TTC3: variants seen among roughly 807,000 people sequenced by gnomAD.
The protein encoded by TTC3 is tetratricopeptide repeat domain 3, also known as E3 ubiquitin-protein ligase TTC3.
TTC3 carries 180 observed loss-of-function variants against 249.6 expected under a neutral mutation model. That is an observed-to-expected ratio of 0.72 (90% CI 0.64 to 0.82). TTC3 has a LOEUF of 0.82. Among genes scored for constraint, TTC3 ranks in the 40% least tolerant of loss-of-function variants. The probability of loss-of-function intolerance (pLI) is 0.00; values close to 1 mark genes in which losing one functional copy is unlikely to be tolerated. For missense variants in TTC3, 2,061 were observed against 2,398.4 expected (o/e 0.86, Z 2.94); for synonymous variants, 717 against 805.0 (o/e 0.89, Z 1.85).
At chr21:37,167,844 G>A (rs572122052) in intron 34 of TTC3, among the ~76,000 whole-genome samples, 2 of 151,814 alleles carry the variant, frequency 1.3e-5, no homozygotes, top group South Asian at 4.2e-4. Flanking sequence ...AATTATAACA[G>A]CGTTATTGTT....
At chr21:37,098,128 T>C (rs975777182) in intron 10 of TTC3, 1 of 485,260 alleles carries the variant, frequency 2.1e-6, no homozygotes, top group South Asian at 3.6e-5. Context: ...CCTCAACGGG[T>C]TCTGACAAGA....
chr21:37,196,811 C>G (rs2084962615), intron 42 of TTC3, among the ~76,000 whole-genome samples: 1 of 152,128 alleles, frequency 6.6e-6, no homozygotes, highest in South Asian at 2.1e-4. Flanking sequence ...GATGGAATTC[C>G]ATAGTGAATG....
In TTC3 at chr21:37,186,946, G is replaced by A. The variant is rs184830849; in HGVS notation, c.4827-103G>A. 3.0e-4 allele frequency: 186 copies of A among 618,440 alleles called. No individual in the cohort carries two copies. In the African/African-American group the frequency reaches 3.1e-3, roughly 10 times the overall value. The allele number at this position is 618,440 out of a possible 1,614,324, so 38.3% of individuals were successfully genotyped here. ...AAACTGCTCTGGAAGATGTAGCTGA[G>A]GCTATCGTGGTGTGGTTTCAAAGCT... On this transcript the variant is annotated intron_variant, in intron 37 of 45. Transcript: ENST00000355666.
chr21:37,081,843 T>C (rs1022091775), intron 1 of TTC3: 1 of 151,908 alleles, frequency 6.6e-6, no homozygotes, highest in Admixed American at 6.6e-5. Flanking sequence ...TTTTTTTCTT[T>C]TAACAATTGC....
intron 10 of TTC3, among the ~76,000 whole-genome samples, chr21:37,107,360 G>A (rs919940371): frequency 6.6e-6 from 1 of 152,156 alleles, no homozygotes; most frequent in Non-Finnish European, 1.5e-5. Context: ...ACAGTTTGAA[G>A]TTTGAACAGT....
At chr21:37,163,861 A>G (rs2081004028) in intron 31 of TTC3, among the ~76,000 whole-genome samples, 190 bp from the exon 32 acceptor site, 1 of 152,190 alleles carries the variant, frequency 6.6e-6, no homozygotes, top group South Asian at 2.1e-4. Flanking sequence ...CAGATATGAT[A>G]TTTCTCGCCT....
intron 1 of TTC3, chr21:37,082,490 C>T: frequency 1.0e-6 from 1 of 985,318 alleles, no homozygotes; most frequent in South Asian, 4.7e-5. Context: ...TCAGCTTTGT[C>T]TGGGAGCCAG....
intron 11 of TTC3, among the ~76,000 whole-genome samples, chr21:37,115,548 G>A (rs1426648199): frequency 6.6e-6 from 1 of 152,188 alleles, no homozygotes; most frequent in Non-Finnish European, 1.5e-5. Flanking sequence ...TGATATGCAA[G>A]GTTGGTCATT....
chr21:37,151,920 C>T, exon 26 of TTC3: 1 of 1,596,056 alleles, frequency 6.3e-7, no homozygotes, highest in South Asian at 1.1e-5. Flanking sequence ...TGAAAGAAGA[C>T]AAAAAATTGA....
chr21:37,118,977 A>G (rs1008592588), intron 11 of TTC3, among the ~76,000 whole-genome samples: 2 of 152,160 alleles, frequency 1.3e-5, no homozygotes, highest in African/African-American at 2.4e-5. Context: ...GATAGTTATA[A>G]TAAGTATTTC....
Position 37,172,580 on chromosome 21 carries a change from G to A in TTC3, c.4468-15G>A, listed in dbSNP as rs2081899892. On this transcript the variant is annotated splice_polypyrimidine_tract_variant and intron_variant, in intron 34 of 45. Transcript: ENST00000355666. ...TAAATGATTTTTAATAGATTGTTTT[G>A]TAATTCACTTTTAGGGGGAAATTTC... is the stretch of plus-strand genomic sequence containing the variant. The A allele has an allele frequency of 1.2e-6, 2 of 1,604,184 alleles. No individual in the cohort carries two copies. The highest frequency in any genetic ancestry group is 1.7e-6 in the Non-Finnish European group (2 of 1,177,268).
chr21:37,183,773 G>A (rs557593665), intron 36 of TTC3, among the ~76,000 whole-genome samples: 2 of 152,292 alleles, frequency 1.3e-5, no homozygotes, highest in South Asian at 2.1e-4. Context: ...TGGTAGCTAA[G>A]GACTTCAAAT....
At position 37,144,541 on chromosome 21, in the gene TTC3, A is replaced by C. The variant is rs200911343; in HGVS notation, c.1789A>C (p.Asn597His). ...TGACTTTAGATTTCTAGAAGCTCTCAATCACTTTGAGAAAGCAAGAACCTT... is the reference window on the plus strand; with the variant it reads ...TGACTTTAGATTTCTAGAAGCTCTCCATCACTTTGAGAAAGCAAGAACCTT... The change falls in exon 21 of 46, where the codon AAT becomes CAT. Residue 597 changes from asparagine to histidine, a missense_variant. Physicochemically the swap from Asn to His is moderately conservative, Grantham distance 68. Around this residue, in one of 3 missense-constraint regions of TTC3, gnomAD observed 989 missense variants for 1,145.1 expected, o/e 0.86. Transcript: ENST00000355666. 7.6e-5 allele frequency: 122 copies of C among 1,611,334 alleles called. No individual in the cohort carries two copies. Among genetic ancestry groups the C allele is most frequent in the African/African-American group, 3.3e-4 (25 of 74,770 alleles).
intron 34 of TTC3, among the ~76,000 whole-genome samples, chr21:37,171,134 A>G (rs991502860): frequency 6.6e-6 from 1 of 152,216 alleles, no homozygotes; most frequent in African/African-American, 2.4e-5. Context: ...AGGCAGTCTT[A>G]TAGTGAACAT....
intron 1 of TTC3, among the ~76,000 whole-genome samples, chr21:37,074,618 A>G (rs1543750): frequency 0.46 from 69,314 of 151,998 alleles, 16,336 homozygotes; most frequent in Non-Finnish European, 0.52. Flanking sequence ...TCCTCCGGAG[A>G]GAGCCTTTTC....
exon 44 of TTC3, chr21:37,197,968 T>G: frequency 1.2e-6 from 2 of 1,613,834 alleles, no homozygotes; most frequent in Non-Finnish European, 1.7e-6. Context: ...CCTCGGTGGT[T>G]GTTGCACCAT....
At chr21:37,085,012 C>CAAA (rs56186134) in intron 1 of TTC3, among the ~76,000 whole-genome samples, 3 of 144,058 alleles carry the variant, frequency 2.1e-5, no homozygotes, top group African/African-American at 7.5e-5. Context: ...AACAAACAAA[C>CAAA]CAAAACAAAA....
intron 11 of TTC3, among the ~76,000 whole-genome samples, chr21:37,109,022 A>C (rs989734179): frequency 1.3e-5 from 2 of 152,222 alleles, no homozygotes; most frequent in Non-Finnish European, 2.9e-5. Flanking sequence ...ACAAGTAAGC[A>C]TTTCACAGAA....
chr21:37,169,805 G>T (rs950793687), intron 34 of TTC3, among the ~76,000 whole-genome samples: 1 of 151,012 alleles, frequency 6.6e-6, no homozygotes, highest in Non-Finnish European at 1.5e-5. Flanking sequence ...CCAAGATTGC[G>T]CCACTGCACT....
Sources: gnomAD v4.1 joint callset for allele counts (sites outside exome capture counted in the v4.1 genomes callset) on GRCh38, gnomAD v4.1.1 for gene constraint, gnomAD v4.1.1 regional missense constraint, MANE v1.5 for transcripts, NCBI Gene and HGNC (gene_info 2026-07-23, HGNC 2026-07-21) for gene names.